The following LINC00632 variants were observed in gnomAD, a reference collection of about 807,000 sequenced individuals.
LINC00632 encodes the protein ALDOA related specific transcript.
intron 3 of LINC00632, among the ~76,000 whole-genome samples, chrX:140,764,943 G>A (rs1931662832): frequency 9.0e-6 from 1 of 110,824 alleles, no homozygotes; most frequent in African/African-American, 3.3e-5. Context: ...TGGTAAATAG[G>A]GCAAAACGAG....
exon 5 of LINC00632, among the ~76,000 whole-genome samples, chrX:140,789,190 A>ACAT (rs1163356800): frequency 9.2e-6 from 1 of 108,743 alleles, no homozygotes; most frequent in East Asian, 2.9e-4. Context: ...GTTATTATTA[A>ACAT]CATTAAATGT....
At chrX:140,711,291 A>G (rs969206706) in intron 1 of LINC00632, among the ~76,000 whole-genome samples, 1 of 111,730 alleles carries the variant, frequency 9.0e-6, no homozygotes, top group South Asian at 3.8e-4. Context: ...GATAATTACT[A>G]TTAATCTTAT....
chrX:140,785,925 G>A (rs1456560679), exon 5 of LINC00632, among the ~76,000 whole-genome samples: 1 of 111,163 alleles, frequency 9.0e-6, no homozygotes, highest in Non-Finnish European at 1.9e-5. Context: ...CAACCTCCTG[G>A]GTTCCTGGCC....
intron 2 of LINC00632, among the ~76,000 whole-genome samples, chrX:140,728,240 C>CA (rs1200284527): frequency 0.011 from 662 of 60,619 alleles, 5 homozygotes; most frequent in African/African-American, 0.014. Context: ...AACTCTGTCT[C>CA]AAAAAAAAAA....
chrX:140,744,359 G>A (rs770511466), intron 3 of LINC00632, among the ~76,000 whole-genome samples: 1 of 110,322 alleles, frequency 9.1e-6, no homozygotes, highest in East Asian at 2.9e-4. Flanking sequence ...CATTTTGAGA[G>A]GCTTTCATCA....
rs183605458 is a variant in LINC00632, at chrX:140,766,964, T to C, written n.192-5114T>C. On this transcript the variant is annotated intron_variant and non_coding_transcript_variant, in intron 3 of 4. Transcript: ENST00000648200. ...CCTATGAGCTACTCTGGGTGTTTTA[T>C]TTTAAGATGGTTTTTGCTCATTGTT... Among the ~76,000 whole-genome samples, 19 of 112,222 alleles carry C rather than the reference T, an allele frequency of 1.7e-4. No individual in the cohort carries two copies. The Admixed American group carries it at 1.8e-3, about 11-fold the overall frequency.
chrX:140,785,272 A>T (rs781174540), exon 5 of LINC00632, among the ~76,000 whole-genome samples: 1 of 111,417 alleles, frequency 9.0e-6, no homozygotes, highest in South Asian at 3.8e-4. Context: ...CCTTACATGC[A>T]TTAACTCATT....
intron 3 of LINC00632, among the ~76,000 whole-genome samples, chrX:140,755,078 A>T (rs1217586146): frequency 9.0e-6 from 1 of 111,683 alleles, no homozygotes; most frequent in African/African-American, 3.3e-5. Flanking sequence ...TTTAGAACAG[A>T]TTTTCAAAAT....
intron 2 of LINC00632, among the ~76,000 whole-genome samples, chrX:140,731,570 C>T (rs1360885601): frequency 8.9e-6 from 1 of 111,939 alleles, no homozygotes; most frequent in African/African-American, 3.2e-5. Context: ...GCCTTCGAGG[C>T]TGTTGTAAGG....
chrX:140,785,172 G>GAAT (rs1219067031), exon 5 of LINC00632, among the ~76,000 whole-genome samples: 3,126 of 87,135 alleles, frequency 0.036, 113 homozygotes, highest in African/African-American at 0.15. Context: ...CATGACCAAA[G>GAAT]AATAATAATA....
intron 2 of LINC00632, among the ~76,000 whole-genome samples, chrX:140,723,664 T>TTC (rs1930802660): frequency 1.2e-3 from 1 of 848 alleles, no homozygotes; most frequent in Non-Finnish European, 2.2e-3. Flanking sequence ...ACACATTCCA[T>TTC]ATACACACAT....
exon 4 of LINC00632, among the ~76,000 whole-genome samples, chrX:140,773,896 A>G (rs1931840809): frequency 8.9e-6 from 1 of 112,199 alleles, no homozygotes; most frequent in African/African-American, 3.2e-5. Flanking sequence ...GCTTGGCAAC[A>G]TTTCTCCGTT....
chrX:140,729,881 T>C (rs376527812), intron 2 of LINC00632, among the ~76,000 whole-genome samples: 5 of 99,685 alleles, frequency 5.0e-5, no homozygotes, highest in African/African-American at 1.6e-4. Context: ...TTTTTTCTTT[T>C]TTTTTTTTTT....
chrX:140,784,703 C>T (rs1260624807), exon 5 of LINC00632: 1 of 250,789 alleles, frequency 4.0e-6, no homozygotes, highest in South Asian at 1.3e-4. Flanking sequence ...AGCCTTTCCC[C>T]AGGTCCAGGC....
At chrX:140,788,829 A>C in exon 5 of LINC00632, among the ~76,000 whole-genome samples, 1 of 104,154 alleles carries the variant, frequency 9.6e-6, no homozygotes, top group African/African-American at 3.4e-5. Flanking sequence ...TTCCATATAT[A>C]CACATATATG....
chrX:140,745,380 C>T (rs1203744813), intron 3 of LINC00632, among the ~76,000 whole-genome samples: 1 of 110,972 alleles, frequency 9.0e-6, no homozygotes, highest in African/African-American at 3.3e-5. Flanking sequence ...TTTCATTTAA[C>T]TCTTTGCTTA....
chrX:140,712,281 A>G (rs1262504834), intron 2 of LINC00632: 1 of 109,286 alleles, frequency 9.2e-6, no homozygotes, highest in Non-Finnish European at 1.9e-5. Flanking sequence ...GTTGCAAATT[A>G]AAATTAAGGA....
chrX:140,748,003 T>C (rs1402773417), intron 3 of LINC00632, among the ~76,000 whole-genome samples: 2 of 111,716 alleles, frequency 1.8e-5, no homozygotes, highest in East Asian at 2.8e-4. Context: ...AATTTTTGTA[T>C]TTTTAGTAGA....
chrX:140,786,455 G>A (rs1263607946), exon 5 of LINC00632, among the ~76,000 whole-genome samples: 2 of 111,570 alleles, frequency 1.8e-5, no homozygotes, highest in Non-Finnish European at 3.8e-5. Flanking sequence ...AATCTATATT[G>A]TCATTTGGTT....
Sources: allele counts gnomAD v4.1 joint callset (sites outside exome capture counted in the v4.1 genomes callset), GRCh38; gene constraint gnomAD v4.1.1; transcripts MANE v1.5; gene names NCBI Gene and HGNC (gene_info 2026-07-23, HGNC 2026-07-21).